Variants in AGBL4 observed in about 807,000 individuals in gnomAD.
AGBL4 encodes the protein cytosolic carboxypeptidase 6.
AGBL4 carries 58 observed loss-of-function variants against 66.4 expected under a neutral mutation model. The observed-to-expected ratio is 0.87, with a 90% CI of 0.71 to 1.09. The LOEUF (loss-of-function observed/expected upper bound fraction) is 1.09, where lower values mean the gene tolerates loss of function less well. Ranked by LOEUF, AGBL4 falls within the 50% of genes least tolerant of loss-of-function variation. The pLI is 0.00. For missense variants in AGBL4, 579 were observed against 631.0 expected (o/e 0.92, Z 0.88); for synonymous variants, 234 against 222.9 (o/e 1.05, Z -0.44).
At chr1:49,220,559 T>C (rs1191012258) in intron 4 of AGBL4, among the ~76,000 whole-genome samples, 1 of 152,148 alleles carries the variant, frequency 6.6e-6, no homozygotes, top group East Asian at 1.9e-4. Flanking sequence ...TATTACTTTT[T>C]CTTCCCTTTT....
chr1:49,059,738 C>T (rs1312166321), intron 4 of AGBL4, among the ~76,000 whole-genome samples: 3 of 152,208 alleles, frequency 2.0e-5, no homozygotes, highest in African/African-American at 7.2e-5. Flanking sequence ...CCTCTTGTAT[C>T]AGCATGACCT....
chr1:49,350,432 T>C (rs1039586759), intron 3 of AGBL4, among the ~76,000 whole-genome samples: 2 of 152,038 alleles, frequency 1.3e-5, no homozygotes, highest in South Asian at 4.2e-4. Flanking sequence ...CTCGATCTCC[T>C]GACCTCGTGA....
At chr1:49,240,859 A>C (rs1651173641) in intron 4 of AGBL4, among the ~76,000 whole-genome samples, 1 of 151,784 alleles carries the variant, frequency 6.6e-6, no homozygotes, top group African/African-American at 2.4e-5. Flanking sequence ...TCCCAGGCTA[A>C]ACTCATCATC....
intron 1 of AGBL4, among the ~76,000 whole-genome samples, chr1:49,978,845 T>C (rs1204416445): frequency 1.3e-5 from 2 of 152,236 alleles, no homozygotes; most frequent in African/African-American, 4.8e-5. Flanking sequence ...ATTTTCTGTA[T>C]TATCTGAATT....
At chr1:48,541,147 T>C (rs937420595) in intron 11 of AGBL4, among the ~76,000 whole-genome samples, 15 of 152,200 alleles carry the variant, frequency 9.9e-5, no homozygotes, top group Non-Finnish European at 1.9e-4. Context: ...CATGCCATCT[T>C]TCTAGATCAC....
intron 6 of AGBL4, among the ~76,000 whole-genome samples, chr1:48,851,095 G>A (rs933584125): frequency 7.2e-5 from 11 of 152,080 alleles, no homozygotes; most frequent in South Asian, 4.1e-4. Flanking sequence ...TCATTATTGC[G>A]CTATTATTAT....
chr1:49,153,379 A>G (rs1297777553), intron 4 of AGBL4, among the ~76,000 whole-genome samples: 1 of 152,188 alleles, frequency 6.6e-6, no homozygotes, highest in Non-Finnish European at 1.5e-5. Flanking sequence ...CACGGCACTC[A>G]GGCAAATATT....
At chr1:49,541,365 C>A (rs116769076) in intron 3 of AGBL4, among the ~76,000 whole-genome samples, 4,622 of 152,192 alleles carry the variant, frequency 0.03, 92 homozygotes, top group Non-Finnish European at 0.047. Flanking sequence ...GAGCTGCGGG[C>A]GGTCCTTGTG....
chr1:48,850,350 C>A (rs974743082), intron 6 of AGBL4, among the ~76,000 whole-genome samples: 1 of 152,138 alleles, frequency 6.6e-6, no homozygotes, highest in Admixed American at 6.5e-5. Flanking sequence ...GTAGGGACAG[C>A]AGATGGAAGA....
chr1:49,230,867 C>A (rs545523702), intron 4 of AGBL4, among the ~76,000 whole-genome samples: 2 of 152,142 alleles, frequency 1.3e-5, no homozygotes, highest in South Asian at 4.1e-4. Context: ...ATCTGGATTC[C>A]AGTTAAATCA....
intron 3 of AGBL4, among the ~76,000 whole-genome samples, chr1:49,267,696 C>A (rs1303538746): frequency 6.6e-6 from 1 of 151,898 alleles, no homozygotes; most frequent in African/African-American, 2.4e-5. Context: ...AAAAGACATA[C>A]CCAAGACTGG....
At chr1:48,763,771 C>T (rs932350484) in intron 6 of AGBL4, among the ~76,000 whole-genome samples, 10 of 152,122 alleles carry the variant, frequency 6.6e-5, no homozygotes, top group African/African-American at 2.2e-4. Flanking sequence ...TCAGATCATC[C>T]GATTCTATTT....
chr1:49,060,112 G>A (rs1571347590), intron 4 of AGBL4, among the ~76,000 whole-genome samples: 3 of 152,102 alleles, frequency 2.0e-5, no homozygotes, highest in African/African-American at 7.2e-5. Context: ...TGGTTTGGCT[G>A]TGTCTCCACC....
At chr1:49,112,796 T>C (rs190903101) in intron 4 of AGBL4, among the ~76,000 whole-genome samples, 6 of 152,298 alleles carry the variant, frequency 3.9e-5, no homozygotes, top group African/African-American at 1.4e-4. Flanking sequence ...CTTCTAATTC[T>C]AGTTATCTTG....
intron 6 of AGBL4, among the ~76,000 whole-genome samples, chr1:48,775,447 A>G (rs886714780): frequency 2.6e-5 from 4 of 152,116 alleles, no homozygotes; most frequent in African/African-American, 9.7e-5. Flanking sequence ...AAAATAGAGA[A>G]GGTCTCAAAA....
chr1:49,288,296 A>T (rs1170867979), intron 3 of AGBL4, among the ~76,000 whole-genome samples: 1 of 150,818 alleles, frequency 6.6e-6, no homozygotes, highest in Non-Finnish European at 1.5e-5. Flanking sequence ...GCACACCAGC[A>T]TGGCACATGT....
intron 4 of AGBL4, among the ~76,000 whole-genome samples, chr1:49,107,421 C>T (rs188690860): frequency 6.6e-6 from 1 of 152,006 alleles, no homozygotes; most frequent in Non-Finnish European, 1.5e-5. Context: ...CATTTTTAAG[C>T]AGAGAAGTTA....
chr1:49,583,257 T>G (rs1034208605), intron 3 of AGBL4, among the ~76,000 whole-genome samples: 1 of 152,100 alleles, frequency 6.6e-6, no homozygotes, highest in African/African-American at 2.4e-5. Flanking sequence ...GGTGAACATA[T>G]CCACATACTA....
intron 3 of AGBL4, among the ~76,000 whole-genome samples, chr1:49,651,454 G>C (rs1646002908): frequency 6.6e-6 from 1 of 152,102 alleles, no homozygotes; most frequent in Admixed American, 6.5e-5. Context: ...TATCAGAAGG[G>C]CATAGAGCTA....
Sources: allele counts gnomAD v4.1 joint callset (sites outside exome capture counted in the v4.1 genomes callset), GRCh38; gene constraint gnomAD v4.1.1; transcripts MANE v1.5; gene names NCBI Gene and HGNC (gene_info 2026-07-23, HGNC 2026-07-21).